VWA2: variants seen among roughly 807,000 people sequenced by gnomAD.
The protein encoded by VWA2 is von Willebrand factor A domain containing 2.
VWA2 carries 73 observed loss-of-function variants against 70.4 expected under a neutral mutation model. The observed-to-expected ratio is 1.04, with a 90% confidence interval of 0.86 to 1.26. The LOEUF (loss-of-function observed/expected upper bound fraction) is 1.26, where lower values mean the gene tolerates loss of function less well. Among genes scored for constraint, VWA2 ranks in the 50% most tolerant of loss-of-function variants. The pLI, the probability that VWA2 is intolerant of heterozygous loss-of-function variation, is 0.00. For synonymous variants in VWA2, 407 were observed against 423.3 expected (o/e 0.96, Z 0.47); for missense variants, 1,011 against 998.5 (o/e 1.01, Z -0.17).
chr10:114,289,622 T>C, intron 12 of VWA2, 133 bp downstream of exon 12: 1 of 975,656 alleles, frequency 1.0e-6, no homozygotes, highest in Non-Finnish European at 1.6e-6. Context: ...CCAGGTTCTG[T>C]GCTAAACCCC....
intron 6 of VWA2, among the ~76,000 whole-genome samples, chr10:114,274,432 G>C (rs550402365): frequency 6.6e-6 from 1 of 152,268 alleles, no homozygotes; most frequent in Non-Finnish European, 1.5e-5. Flanking sequence ...GATCATGGTG[G>C]CTCCTAGAGG....
intron 5 of VWA2, among the ~76,000 whole-genome samples, chr10:114,261,582 T>C (rs2037445964): frequency 6.6e-6 from 1 of 152,198 alleles, no homozygotes; most frequent in African/African-American, 2.4e-5. Flanking sequence ...CGAATGGGGT[T>C]AAGAGCCTGG....
rs2037080219 is a variant in VWA2 at position 114,246,694 on chromosome 10, G to C, written c.-10-2010G>C. ...AAAACCATTAAATTCCCAAAACAAAGAATCAACTAGCAAACAGTCTTAGGA... is the reference window on the plus strand; with the variant it reads ...AAAACCATTAAATTCCCAAAACAAACAATCAACTAGCAAACAGTCTTAGGA... On this transcript the variant is annotated intron_variant, in intron 1 of 13. Coordinates refer to ENST00000392982, the MANE Select transcript of VWA2 (RefSeq NM_001272046.2). 57 of 1,557,194 alleles carry C rather than the reference G, an allele frequency of 3.7e-5. 2 individuals are homozygous for C. In the South Asian group the frequency reaches 6.2e-4, roughly 17 times the overall value.
At chr10:114,278,149 G>A in intron 7 of VWA2, 102 bp downstream of exon 7, 2 of 1,471,498 alleles carry the variant, frequency 1.4e-6, no homozygotes, top group Non-Finnish European at 1.8e-6. Flanking sequence ...AGGATGGAGG[G>A]CAGGCAAGAG....
intron 9 of VWA2, among the ~76,000 whole-genome samples, chr10:114,284,268 GT>G (rs1304295870): frequency 6.6e-6 from 1 of 152,196 alleles, no homozygotes; most frequent in Admixed American, 6.5e-5. Context: ...GTTGGGGAGT[GT>G]TTTTTTAGTG....
intron 5 of VWA2, among the ~76,000 whole-genome samples, chr10:114,267,088 T>C (rs889639396): frequency 2.6e-5 from 4 of 152,182 alleles, no homozygotes; most frequent in African/African-American, 7.2e-5. Flanking sequence ...GTAATCAACA[T>C]CCCTGTACCT....
At chr10:114,240,449 G>T (rs1376131891) in intron 1 of VWA2, among the ~76,000 whole-genome samples, 2 of 152,188 alleles carry the variant, frequency 1.3e-5, no homozygotes, top group Non-Finnish European at 2.9e-5. Context: ...AAGCTGAAAG[G>T]GGACTTAGCA....
chr10:114,254,454 T>C (rs2037276130), intron 3 of VWA2, among the ~76,000 whole-genome samples: 1 of 152,136 alleles, frequency 6.6e-6, no homozygotes, highest in African/African-American at 2.4e-5. Context: ...GGGTGGCTAC[T>C]TGCCATGTCC....
chr10:114,269,316 C>T (rs1477624357), intron 5 of VWA2, among the ~76,000 whole-genome samples: 1 of 152,196 alleles, frequency 6.6e-6, no homozygotes, highest in Non-Finnish European at 1.5e-5. Flanking sequence ...CGTGGTGGCC[C>T]ACGCCTGTAA....
At chr10:114,245,099 G>A (rs528092428) in intron 1 of VWA2, among the ~76,000 whole-genome samples, 1 of 152,230 alleles carries the variant, frequency 6.6e-6, no homozygotes, top group Non-Finnish European at 1.5e-5. Context: ...TGCAGAAGTT[G>A]CAGAGCCAAC....
At chr10:114,259,430 AT>A (rs1282316314) in intron 4 of VWA2, among the ~76,000 whole-genome samples, 3 of 143,098 alleles carry the variant, frequency 2.1e-5, no homozygotes, top group African/African-American at 7.7e-5. Flanking sequence ...TTTTGTCTTT[AT>A]TTTTTTATGC....
At chr10:114,290,559 G>T (rs978627111) in intron 13 of VWA2, among the ~76,000 whole-genome samples, 194 bp downstream of exon 13, 1 of 152,254 alleles carries the variant, frequency 6.6e-6, no homozygotes, top group Non-Finnish European at 1.5e-5. Flanking sequence ...GAACATAGCA[G>T]TAAACAAATG....
At chr10:114,268,519 T>C (rs1189925681) in intron 5 of VWA2, among the ~76,000 whole-genome samples, 1 of 151,806 alleles carries the variant, frequency 6.6e-6, no homozygotes, top group Non-Finnish European at 1.5e-5. Flanking sequence ...TAGGTAAACA[T>C]AGGTTGAGCA....
intron 8 of VWA2, among the ~76,000 whole-genome samples, chr10:114,279,627 A>G (rs1309644079): frequency 6.6e-6 from 1 of 152,234 alleles, no homozygotes; most frequent in South Asian, 2.1e-4. Context: ...AGAGGAGATG[A>G]GGTCTCATGC....
rs758742054 is a variant in VWA2 at position 114,284,946 on chromosome 10, G to A, written c.973G>A (p.Ala325Thr). The A allele has an allele frequency of 1.2e-6, 2 of 1,602,536 alleles. No individual in the cohort carries two copies. Among genetic ancestry groups the A allele is most frequent in the East Asian group, 4.5e-5 (2 of 44,244 alleles). Residue 325 changes from alanine to threonine, a missense_variant, in exon 10 of 14, where the codon GCC (alanine) becomes ACC (threonine). Transcript: ENST00000392982. ...CGGCTACCAGTGCCTCTGCCCGCTG[G>A]CCTTTGGAGGGGAGGCTAACTGTGG... ...LDGYQCLCPL[A>T]FGGEANCALK...
At chr10:114,288,212 C>G (rs970057896) in intron 11 of VWA2, among the ~76,000 whole-genome samples, 2 of 152,244 alleles carry the variant, frequency 1.3e-5, no homozygotes, top group African/African-American at 4.8e-5. Flanking sequence ...TGAAATGTCA[C>G]CTCCCCAGAG....
chr10:114,244,783 C>A (rs1022293003), intron 1 of VWA2, among the ~76,000 whole-genome samples: 2 of 152,232 alleles, frequency 1.3e-5, no homozygotes, highest in East Asian at 3.8e-4. Context: ...ATCGCAATAG[C>A]GTTCATTTCA....
intron 5 of VWA2, among the ~76,000 whole-genome samples, chr10:114,268,733 C>T (rs1459244771): frequency 4.1e-5 from 6 of 147,466 alleles, no homozygotes; most frequent in Admixed American, 1.4e-4. Context: ...CTCGCTCTGT[C>T]GCTGAGGCTG....
At position 114,286,178 on chromosome 10, in the gene VWA2, A is replaced by G; in HGVS notation, c.1237A>G (p.Ile413Val). The G allele has an allele frequency of 6.2e-7, 1 of 1,614,064 alleles. No individual in the cohort carries two copies. The highest frequency in any genetic ancestry group is 2.2e-5 in the East Asian group (1 of 44,876). ...VPDLVWSLDG[I>V]PFRGGPTLTG... ...TGACCTGGTCTGGAGCCTCGATGGC[A>G]TTCCCTTCCGTGGTGGCCCCACCCT... The change falls in exon 11 of 14, where the codon ATT (isoleucine) becomes GTT (valine). Residue 413 changes from isoleucine to valine, a missense_variant. Transcript: ENST00000392982.
Sources: allele counts gnomAD v4.1 joint callset (sites outside exome capture counted in the v4.1 genomes callset), GRCh38; gene constraint gnomAD v4.1.1; transcripts MANE v1.5; gene names NCBI Gene and HGNC (gene_info 2026-07-23, HGNC 2026-07-21).